PIK3R6: variants seen among roughly 807,000 people sequenced by gnomAD.
PIK3R6 encodes the protein phosphoinositide-3-kinase regulatory subunit 6.
PIK3R6 carries 91 observed loss-of-function variants against 84.9 expected under a neutral mutation model. The ratio of observed to expected loss-of-function variants is 1.07; its 90% CI spans 0.90 to 1.28. PIK3R6 has a LOEUF of 1.28. Among genes scored for constraint, PIK3R6 ranks in the 50% most tolerant of loss-of-function variants. The probability of loss-of-function intolerance (pLI) is 0.00; values close to 1 mark genes in which losing one functional copy is unlikely to be tolerated. For synonymous variants in PIK3R6, 416 were observed against 411.4 expected (o/e 1.01, Z -0.13); for missense variants, 996 against 985.1 (o/e 1.01, Z -0.15).
At chr17:8,818,432 T>A (rs1418506909) in intron 18 of PIK3R6, among the ~76,000 whole-genome samples, 1 of 152,172 alleles carries the variant, frequency 6.6e-6, no homozygotes, top group East Asian at 1.9e-4. Context: ...GTGCATCACC[T>A]GAGGTCAGGA....
intron 17 of PIK3R6, 54 bp from the exon 18 acceptor site, chr17:8,819,252 G>A (rs763283181): frequency 6.1e-6 from 8 of 1,314,912 alleles, no homozygotes; most frequent in Non-Finnish European, 8.4e-6. Context: ...AGGGGAGTTT[G>A]ATATTCTAGG....
chr17:8,856,053 G>A (rs896404586), intron 1 of PIK3R6, among the ~76,000 whole-genome samples: 6 of 152,196 alleles, frequency 3.9e-5, no homozygotes, highest in Admixed American at 2.6e-4. Context: ...CTGAGTAAAG[G>A]CAGCCAGGCG....
chr17:8,825,741 G>A (rs1484919124), intron 13 of PIK3R6, among the ~76,000 whole-genome samples: 1 of 152,184 alleles, frequency 6.6e-6, no homozygotes, highest in Non-Finnish European at 1.5e-5. Context: ...CATGGAAAGT[G>A]TTAAATTATC....
intron 12 of PIK3R6, among the ~76,000 whole-genome samples, chr17:8,827,744 A>G (rs78791738): frequency 0.063 from 4,512 of 71,782 alleles, 123 homozygotes; most frequent in African/African-American, 0.099. Context: ...AGGGAAGGGG[A>G]GAGAGAGAGA....
chr17:8,849,678 T>C (rs2151295786), intron 2 of PIK3R6, 104 bp downstream of exon 2: 1 of 1,307,002 alleles, frequency 7.7e-7, no homozygotes, highest in Non-Finnish European at 1.0e-6. Flanking sequence ...AGCCTGTCTA[T>C]GTGCAGGGGG....
chr17:8,836,062 C>T (rs569666861), intron 7 of PIK3R6, among the ~76,000 whole-genome samples: 1 of 152,324 alleles, frequency 6.6e-6, no homozygotes, highest in South Asian at 2.1e-4. Context: ...TTCATCACCC[C>T]TCTCCCCAAC....
intron 16 of PIK3R6, among the ~76,000 whole-genome samples, 195 bp downstream of exon 16, chr17:8,822,392 C>T (rs1328223024): frequency 1.3e-5 from 2 of 152,200 alleles, no homozygotes; most frequent in Non-Finnish European, 2.9e-5. Context: ...TGATCACCTC[C>T]TGGTCTACAT....
intron 1 of PIK3R6, among the ~76,000 whole-genome samples, chr17:8,866,554 A>C (rs1458143483): frequency 6.6e-6 from 1 of 152,076 alleles, no homozygotes; most frequent in Admixed American, 6.6e-5. Context: ...ACAACAAAAA[A>C]GGACCGGCCT....
Position 8,836,562 on chromosome 17 carries a change from T to C in PIK3R6, c.446A>G (p.Tyr149Cys), listed in dbSNP as rs1381270260. 1.2e-5 allele frequency: 20 copies of C among 1,614,000 alleles called. No homozygotes were observed. Among genetic ancestry groups the C allele is most frequent in the Non-Finnish European group, 1.6e-5 (19 of 1,179,884 alleles). ...GGCCACTCACCTCTCCTGGTAGGGA[T>C]ACAGCTCATTCGTCAAGTTCTGTTC... ...IAEQNLTNEL[Y>C]PYQERVFLFV... The change falls in exon 7 of 20, where the codon TAT becomes TGT. Residue 149 changes from tyrosine to cysteine, a missense_variant. By Grantham distance (194) the Tyr-to-Cys change is radical. Coordinates refer to ENST00000619866, the MANE Select transcript of PIK3R6 (RefSeq NM_001010855.4).
intron 13 of PIK3R6, among the ~76,000 whole-genome samples, chr17:8,824,915 G>A (rs1292067050): frequency 6.6e-6 from 1 of 152,118 alleles, no homozygotes; most frequent in Non-Finnish European, 1.5e-5. Context: ...AAAGCAAAAT[G>A]GAGAGCTCAG....
rs371968498 is a variant in PIK3R6, at chr17:8,819,118, C to T, written c.1960G>A (p.Val654Ile). 1.2e-6 allele frequency: 2 copies of T among 1,608,568 alleles called. No homozygotes were observed. The highest frequency in any genetic ancestry group is 1.7e-6 in the Non-Finnish European group (2 of 1,177,730). ...TTTCCCGCCAAGTTGGAGGACTTGA[C>T]AACCTCTGTCACGTTGACATTCAGA... ...TCLNVNVTEV[V>I]KSSNLAGKSF... The change falls in exon 18 of 20, where the codon GTC becomes ATC. Residue 654 changes from valine (V) to isoleucine (I), a missense_variant. By Grantham distance (29) the Val-to-Ile change is conservative. Transcript: ENST00000619866.
chr17:8,849,031 G>A (rs571028562), intron 2 of PIK3R6, among the ~76,000 whole-genome samples: 4 of 152,272 alleles, frequency 2.6e-5, no homozygotes, highest in Non-Finnish European at 4.4e-5. Flanking sequence ...ACATCTTGGT[G>A]GGGGTTGGTC....
chr17:8,837,367 C>G lies in PIK3R6; in HGVS notation c.258+436G>C, dbSNP rs987992200. ...TCCCTCCCGACCTCAGTGTGCCCTC[C>G]GTCTCTGCCGGAGCTAAGCCCCATC... On this transcript the variant is annotated intron_variant, in intron 5 of 19. Coordinates refer to ENST00000619866, the MANE Select transcript of PIK3R6 (RefSeq NM_001010855.4). 3.3e-5 allele frequency among the ~76,000 whole-genome samples: 5 copies of G among 152,058 alleles called. No individual in the cohort carries two copies. The East Asian group carries it at 7.7e-4, about 23-fold the overall frequency.
intron 1 of PIK3R6, among the ~76,000 whole-genome samples, chr17:8,861,936 C>A (rs1055038916): frequency 6.6e-6 from 1 of 152,188 alleles, no homozygotes; most frequent in African/African-American, 2.4e-5. Flanking sequence ...ATCTTCTAGC[C>A]ATGAAATTGT....
At position 8,853,037 on chromosome 17, in the gene PIK3R6, GA is replaced by G. The variant is rs201674686; in HGVS notation, c.-91-3153del. 1.5e-4 allele frequency among the ~76,000 whole-genome samples: 22 copies of G among 144,674 alleles called. No individual in the cohort carries two copies. The East Asian group carries it at 2.4e-3, about 16-fold the overall frequency. 94.9% of individuals were successfully genotyped at this position (144,674 alleles called of 152,430 possible). ...CATTGTTAACAATAGAGTACAACCAGAAAAAAAAAATAAAGGCACAATTATA... is the reference window on the plus strand; with the variant it reads ...CATTGTTAACAATAGAGTACAACCAGAAAAAAAAATAAAGGCACAATTATA... On this transcript the variant is annotated intron_variant, in intron 1 of 19. Transcript: ENST00000619866.
At chr17:8,865,185 C>A (rs1001860479) in intron 1 of PIK3R6, among the ~76,000 whole-genome samples, 1 of 152,124 alleles carries the variant, frequency 6.6e-6, no homozygotes, top group Non-Finnish European at 1.5e-5. Flanking sequence ...AAGCCTGGCT[C>A]AGGTTCAGAG....
At chr17:8,829,508 ACT>A (rs1491581953) in intron 10 of PIK3R6, among the ~76,000 whole-genome samples, 196 bp downstream of exon 10, 1,761 of 120,404 alleles carry the variant, frequency 0.015, 61 homozygotes, top group African/African-American at 0.058. Context: ...ACTGACACAC[ACT>A]CATGCATACA....
At chr17:8,820,613 A>G (rs1316282497) in intron 17 of PIK3R6, among the ~76,000 whole-genome samples, 1 of 152,230 alleles carries the variant, frequency 6.6e-6, no homozygotes, top group Non-Finnish European at 1.5e-5. Context: ...AGCTGCAGGT[A>G]AAGAGTGTCC....
In PIK3R6 at chr17:8,809,983, C is replaced by T. The variant is rs115696469; in HGVS notation, c.1996-5830G>A. Among the ~76,000 whole-genome samples, 1,374 of 152,192 alleles carry T rather than the reference C, an allele frequency of 9.0e-3. 18 individuals are homozygous for T. Among genetic ancestry groups the T allele is most frequent in the African/African-American group, 0.032 (1,312 of 41,522 alleles). ...CAATTCTAAATAAATATGCACCCAACACTGGAGCACCCAGATTCCTAAATA... is the reference window on the plus strand; with the variant it reads ...CAATTCTAAATAAATATGCACCCAATACTGGAGCACCCAGATTCCTAAATA... On this transcript the variant is annotated intron_variant, in intron 18 of 19. Coordinates refer to ENST00000619866, the MANE Select transcript of PIK3R6 (RefSeq NM_001010855.4).
Sources: gnomAD v4.1 joint callset for allele counts (sites outside exome capture counted in the v4.1 genomes callset) on GRCh38, gnomAD v4.1.1 for gene constraint, MANE v1.5 for transcripts, NCBI Gene and HGNC (gene_info 2026-07-23, HGNC 2026-07-21) for gene names.